Variants in KAT6A observed in about 807,000 individuals in gnomAD.
KAT6A encodes the protein lysine acetyltransferase 6A.
In KAT6A, 9 loss-of-function variants were observed where a neutral mutation model predicts 198.4. That is an observed-to-expected ratio of 0.05 (90% confidence interval 0.03 to 0.08). The LOEUF (loss-of-function observed/expected upper bound fraction) is 0.08. Among genes scored for constraint, KAT6A ranks in the 10% least tolerant of loss-of-function variants. The pLI is 1.00. For missense variants in KAT6A, 2,077 were observed against 2,509.9 expected, an observed-to-expected ratio of 0.83 and a Z score of 3.69; for synonymous variants, 890 against 883.0, an observed-to-expected ratio of 1.01 and a Z score of -0.14.
Position 41,967,274 on chromosome 8 carries a change from A to AAATTTATTTATTT in KAT6A, c.1482+7429_1482+7430insAAATAAATAAATT, listed in dbSNP as rs544924028. On this transcript the variant is annotated intron_variant, in intron 8 of 16. Coordinates refer to ENST00000265713, the MANE Select transcript of KAT6A (RefSeq NM_006766.5). Reference sequence around the variant, plus strand: ...GCGTCTTTCTTTTTTTAAAAAAAAAAATTTATTTATTTATTTATTTATTTA... The same window carrying AAATTTATTTATTT: ...GCGTCTTTCTTTTTTTAAAAAAAAAAAATTTATTTATTTATTTATTTATTTATTTATTTATTTA... 2.2e-3 allele frequency among the ~76,000 whole-genome samples: 321 copies of AAATTTATTTATTT among 142,838 alleles called. 3 individuals are homozygous for AAATTTATTTATTT. Among genetic ancestry groups the AAATTTATTTATTT allele is most frequent in the East Asian group, 0.019 (96 of 4,974 alleles). The allele number at this position is 142,838 out of a possible 152,430, so 93.7% of individuals were successfully genotyped here.
At chr8:41,948,403 G>A (rs1822501553) in intron 10 of KAT6A, among the ~76,000 whole-genome samples, 1 of 152,234 alleles carries the variant, frequency 6.6e-6, no homozygotes, top group African/African-American at 2.4e-5. Flanking sequence ...TACTTAAGGG[G>A]GTACTAACTA....
At chr8:41,937,923 A>G (rs916371885) in intron 15 of KAT6A, among the ~76,000 whole-genome samples, 5 of 152,242 alleles carry the variant, frequency 3.3e-5, no homozygotes, top group Non-Finnish European at 5.9e-5. Flanking sequence ...ACTTAAGAGC[A>G]AAAGAGAAAT....
chr8:41,968,282 AAAAC>A (rs1310314973), intron 8 of KAT6A, among the ~76,000 whole-genome samples: 23 of 152,320 alleles, frequency 1.5e-4, no homozygotes, highest in South Asian at 4.1e-4. Flanking sequence ...TTACAAGAAA[AAAAC>A]AAACAACCCC....
chr8:42,028,667 T>C (rs1322341218), intron 2 of KAT6A, among the ~76,000 whole-genome samples: 1 of 152,066 alleles, frequency 6.6e-6, no homozygotes, highest in Admixed American at 6.6e-5. Flanking sequence ...AATTGGGTCT[T>C]AAAAAAAATC....
rs74738413 is a variant in KAT6A at position 41,971,508 on chromosome 8, G to T, written c.1482+3196C>A. Reference sequence around the variant, plus strand: ...AGGCATGCTTGGTGTGTCTGAGGAAGAGGAGGCGGCTGTGGCTGGAGTAGC... The same window carrying T: ...AGGCATGCTTGGTGTGTCTGAGGAATAGGAGGCGGCTGTGGCTGGAGTAGC... On this transcript the variant is annotated intron_variant, in intron 8 of 16. Transcript: ENST00000265713. Among the ~76,000 whole-genome samples the T allele has an allele frequency of 4.7e-4, 71 of 152,296 alleles. 2 individuals carry two copies. In the East Asian group the frequency reaches 9.3e-3, roughly 20 times the overall value.
intron 2 of KAT6A, among the ~76,000 whole-genome samples, chr8:42,045,264 T>C (rs967450164): frequency 6.6e-6 from 1 of 152,160 alleles, no homozygotes; most frequent in Non-Finnish European, 1.5e-5. Context: ...CTAAATTTAG[T>C]TACTTCAGTT....
intron 2 of KAT6A, among the ~76,000 whole-genome samples, chr8:42,001,298 A>G (rs1284143573): frequency 2.0e-5 from 3 of 152,214 alleles, no homozygotes; most frequent in Non-Finnish European, 4.4e-5. Context: ...AATGTAACTA[A>G]TAAGACCTTT....
chr8:42,024,787 T>C (rs1187312692), intron 2 of KAT6A, among the ~76,000 whole-genome samples: 1 of 152,242 alleles, frequency 6.6e-6, no homozygotes, highest in East Asian at 1.9e-4. Context: ...AGCTGAGTAG[T>C]ATTCCATGGT....
intron 2 of KAT6A, among the ~76,000 whole-genome samples, chr8:42,045,562 CAA>C (rs373672997): frequency 5.4e-5 from 4 of 74,066 alleles, no homozygotes; most frequent in Admixed American, 1.4e-4. Context: ...AATTCCATCT[CAA>C]AAAAAAAAAA....
chr8:41,932,323 T>C lies in KAT6A; in HGVS notation c.5897A>G (p.Gln1966Arg), dbSNP rs1821589131. The change falls in exon 17 of 17, where the codon CAG (glutamine) becomes CGG (arginine). Residue 1966 changes from glutamine (Q) to arginine (R), a missense_variant. Gln to Arg is a conservative substitution (Grantham distance 43). Transcript: ENST00000265713. ...GMMGSQAYTQ[Q>R]PMQPNPHGNM... ...CCCATGAGGGTTAGGCTGCATAGGCTGCTGGGTATAGGCCTGGCTCCCCAT... is the reference window on the plus strand; with the variant it reads ...CCCATGAGGGTTAGGCTGCATAGGCCGCTGGGTATAGGCCTGGCTCCCCAT... The C allele has an allele frequency of 6.2e-7, 1 of 1,614,118 alleles. No homozygotes were observed. Among genetic ancestry groups the C allele is most frequent in the Non-Finnish European group, 8.5e-7 (1 of 1,180,054 alleles).
At chr8:42,014,488 T>C (rs765934370) in intron 2 of KAT6A, among the ~76,000 whole-genome samples, 1 of 152,204 alleles carries the variant, frequency 6.6e-6, no homozygotes, top group Non-Finnish European at 1.5e-5. Context: ...ATCAAGAGGC[T>C]ATGCTCTCTT....
chr8:41,983,924 T>C (rs527582219), intron 3 of KAT6A, among the ~76,000 whole-genome samples: 1 of 152,346 alleles, frequency 6.6e-6, no homozygotes, highest in Admixed American at 6.5e-5. Flanking sequence ...TTCATATAAA[T>C]TGCCAGTTCA....
chr8:42,021,017 T>C (rs529931377), intron 2 of KAT6A, among the ~76,000 whole-genome samples: 25 of 152,258 alleles, frequency 1.6e-4, no homozygotes, highest in African/African-American at 5.8e-4. Flanking sequence ...TTGTTTTTTA[T>C]GAGGAAGTTT....
intron 2 of KAT6A, among the ~76,000 whole-genome samples, chr8:42,034,971 G>C (rs902100988): frequency 6.6e-6 from 1 of 152,192 alleles, no homozygotes; most frequent in African/African-American, 2.4e-5. Context: ...TGGTCTTTGC[G>C]CTTGTGTTCT....
chr8:42,030,518 T>C (rs1827054556), intron 2 of KAT6A, among the ~76,000 whole-genome samples: 1 of 152,218 alleles, frequency 6.6e-6, no homozygotes, highest in Admixed American at 6.5e-5. Context: ...CACCCATCTT[T>C]AAGCCTCCTT....
chr8:41,963,897 A>G (rs564186321), intron 8 of KAT6A, among the ~76,000 whole-genome samples: 7 of 152,248 alleles, frequency 4.6e-5, no homozygotes, highest in Middle Eastern at 3.4e-3. Flanking sequence ...CCGAGAATAC[A>G]CGATTTCTCA....
chr8:41,955,368 G>A lies in KAT6A; in HGVS notation c.1526C>T (p.Pro509Leu). The A allele has an allele frequency of 1.2e-6, 2 of 1,612,872 alleles. No individual in the cohort carries two copies. The highest frequency in any genetic ancestry group is 1.7e-6 in the Non-Finnish European group (2 of 1,179,376). Reference sequence around the variant, plus strand: ...ATACTTCCCAAACTCAATGACAGAGGGACAGCGGACTTGTGGATCAGGGGG... The same window carrying A: ...ATACTTCCCAAACTCAATGACAGAGAGACAGCGGACTTGTGGATCAGGGGG... Reference protein sequence around the residue: ...TGPPDPQVRCPSVIEFGKYEI... With the variant: ...TGPPDPQVRCLSVIEFGKYEI... Residue 509 changes from proline (P) to leucine (L), a missense_variant, in exon 9 of 17, where the codon CCC becomes CTC. Physicochemically the swap from Pro to Leu is moderately conservative, Grantham distance 98. This residue lies in a region of KAT6A where 206 missense variants were observed against 214.9 expected (regional missense o/e 0.96). Coordinates refer to ENST00000265713, the MANE Select transcript of KAT6A (RefSeq NM_006766.5).
chr8:41,962,872 T>G (rs1358588977), intron 8 of KAT6A, among the ~76,000 whole-genome samples: 1 of 152,186 alleles, frequency 6.6e-6, no homozygotes, highest in East Asian at 1.9e-4. Context: ...CTCGGGTCTT[T>G]GCATTTCCTG....
chr8:41,938,016 T>C (rs1230516732), intron 15 of KAT6A, among the ~76,000 whole-genome samples: 4 of 152,228 alleles, frequency 2.6e-5, no homozygotes, highest in Non-Finnish European at 5.9e-5. Context: ...GAACTACTCA[T>C]AAAAAGCTGT....
Sources: allele counts gnomAD v4.1 joint callset (sites outside exome capture counted in the v4.1 genomes callset), GRCh38; gene constraint gnomAD v4.1.1; regional missense constraint gnomAD v4.1.1; transcripts MANE v1.5; gene names NCBI Gene and HGNC (gene_info 2026-07-23, HGNC 2026-07-21).